Variants in AFG2A observed in about 807,000 individuals in gnomAD.
AFG2A encodes the protein AAA ATPase AFG2A, also known as ATPase family gene 2 protein homolog A.
the AFG2A span, among the ~76,000 whole-genome samples, chr4:122,999,133 T>A: frequency 2.9e-5 from 3 of 103,382 alleles, no homozygotes; most frequent in Non-Finnish European, 6.5e-5. Context: ...TCTGTTCATA[T>A]CCTTTGCCCA....
chr4:123,121,576 T>C, the AFG2A span, among the ~76,000 whole-genome samples: 1 of 152,218 alleles, frequency 6.6e-6, no homozygotes, highest in Non-Finnish European at 1.5e-5. Context: ...TAGACACAAA[T>C]ACCATTGTGT....
chr4:122,948,985 T>C, the AFG2A span, among the ~76,000 whole-genome samples: 1 of 152,074 alleles, frequency 6.6e-6, no homozygotes, highest in Admixed American at 6.5e-5. Context: ...ATAATAACAA[T>C]CATACTGTAT....
chr4:123,097,847 A>T, the AFG2A span, among the ~76,000 whole-genome samples: 2 of 152,168 alleles, frequency 1.3e-5, no homozygotes, highest in Non-Finnish European at 2.9e-5. Context: ...CTTTAGGCCA[A>T]ACGTGACCCA....
At chr4:123,105,797 G>C in the AFG2A span, among the ~76,000 whole-genome samples, 1 of 152,222 alleles carries the variant, frequency 6.6e-6, no homozygotes, top group Non-Finnish European at 1.5e-5. Context: ...AATTAGAATG[G>C]ATGAGGAGTT....
chr4:123,262,043 T>G, the AFG2A span, among the ~76,000 whole-genome samples: 4 of 152,248 alleles, frequency 2.6e-5, no homozygotes, highest in South Asian at 8.3e-4. Context: ...CCTAAAGTGT[T>G]GGGATTACAG....
At chr4:123,273,731 T>C in the AFG2A span, among the ~76,000 whole-genome samples, 1 of 152,192 alleles carries the variant, frequency 6.6e-6, no homozygotes, top group African/African-American at 2.4e-5. Context: ...GATTATTTAT[T>C]GTATAAAATT....
At chr4:123,270,653 T>C in the AFG2A span, among the ~76,000 whole-genome samples, 1 of 152,186 alleles carries the variant, frequency 6.6e-6, no homozygotes, top group African/African-American at 2.4e-5. Context: ...ATAAAGATTT[T>C]AAAAAGAAAG....
chr4:123,244,014 C>T, the AFG2A span, among the ~76,000 whole-genome samples: 1 of 151,814 alleles, frequency 6.6e-6, no homozygotes, highest in Non-Finnish European at 1.5e-5. Flanking sequence ...AGAGCAAGAC[C>T]CCATCTCAAA....
At chr4:123,080,095 TTTC>T in the AFG2A span, among the ~76,000 whole-genome samples, 10 of 152,162 alleles carry the variant, frequency 6.6e-5, no homozygotes, top group African/African-American at 2.2e-4. Context: ...CTTGGTTTCC[TTTC>T]TTCTTCTCTG....
chr4:123,110,842 G>A, the AFG2A span, among the ~76,000 whole-genome samples: 1 of 152,146 alleles, frequency 6.6e-6, no homozygotes, highest in Non-Finnish European at 1.5e-5. Context: ...AAGTAATGAA[G>A]GCAGTATTGT....
At chr4:123,064,899 C>T in the AFG2A span, among the ~76,000 whole-genome samples, 2 of 152,072 alleles carry the variant, frequency 1.3e-5, no homozygotes. Context: ...TGTTTGGACC[C>T]CACTTAGTGT....
the AFG2A span, among the ~76,000 whole-genome samples, chr4:123,131,617 G>A: frequency 6.6e-6 from 1 of 151,876 alleles, no homozygotes; most frequent in East Asian, 1.9e-4. Context: ...TTTTAATTTA[G>A]CATAACGTCC....
chr4:122,974,114 G>C, the AFG2A span, among the ~76,000 whole-genome samples: 14 of 151,744 alleles, frequency 9.2e-5, no homozygotes, highest in African/African-American at 3.4e-4. Context: ...GTTTGTATTA[G>C]AAATAATAGA....
chr4:123,214,049 G>C, the AFG2A span, among the ~76,000 whole-genome samples: 28 of 152,142 alleles, frequency 1.8e-4, no homozygotes, highest in African/African-American at 6.3e-4. Flanking sequence ...GAAGCTATGT[G>C]GAATAAGCTG....
At chr4:122,988,524 G>A in the AFG2A span, among the ~76,000 whole-genome samples, 292 of 151,122 alleles carry the variant, frequency 1.9e-3, 1 homozygote, top group African/African-American at 6.9e-3. Context: ...TCAGCCTCCT[G>A]AGTAGCTGGC....
the AFG2A span, chr4:122,923,309 A>C: frequency 6.2e-7 from 1 of 1,613,610 alleles, no homozygotes; most frequent in South Asian, 1.1e-5. Context: ...GAAAAGGGTA[A>C]AGAATTCCGG....
the AFG2A span, among the ~76,000 whole-genome samples, chr4:123,133,838 G>A: frequency 1.4e-4 from 21 of 152,150 alleles, 2 homozygotes. Context: ...TGACAGATGT[G>A]AGGTGACATC....
the AFG2A span, among the ~76,000 whole-genome samples, chr4:123,121,124 A>C: frequency 6.6e-6 from 1 of 151,998 alleles, no homozygotes; most frequent in African/African-American, 2.4e-5. Flanking sequence ...TTAAAAAGTA[A>C]AATAATAAAT....
chr4:123,119,566 T>A, the AFG2A span, among the ~76,000 whole-genome samples: 1 of 152,202 alleles, frequency 6.6e-6, no homozygotes, highest in Non-Finnish European at 1.5e-5. Flanking sequence ...CTCATTTTGC[T>A]GTCATTTTCA....
Sources: allele counts gnomAD v4.1 joint callset (sites outside exome capture counted in the v4.1 genomes callset), GRCh38; gene constraint gnomAD v4.1.1; transcripts MANE v1.5; gene names NCBI Gene and HGNC (gene_info 2026-07-23, HGNC 2026-07-21).